Variants in MYOM2 observed in about 807,000 individuals in gnomAD.
The protein encoded by MYOM2 is myomesin-2.
Under a neutral mutation model 187.6 loss-of-function variants are expected in MYOM2, and 254 were observed. That is an observed-to-expected ratio of 1.35 (90% confidence interval 1.22 to 1.50). MYOM2 has a LOEUF of 1.50. Ranked by LOEUF, MYOM2 falls within the 40% of genes most tolerant of loss-of-function variation. The probability of loss-of-function intolerance (pLI) is 0.00; values close to 1 mark genes in which losing one functional copy is unlikely to be tolerated. For missense variants in MYOM2, 2,796 were observed against 1,924.0 expected (o/e 1.45, Z -8.48); for synonymous variants, 981 against 753.8 (o/e 1.30, Z -4.94).
At chr8:2,100,241 A>T (rs1451535047) in intron 19 of MYOM2, among the ~76,000 whole-genome samples, 1 of 149,144 alleles carries the variant, frequency 6.7e-6, no homozygotes, top group African/African-American at 2.5e-5. Context: ...TCTTTTAATG[A>T]AATTAAATTT....
chr8:2,100,645 C>G, intron 19 of MYOM2: 1 of 556,114 alleles, frequency 1.8e-6, no homozygotes, highest in East Asian at 2.9e-5. Context: ...CTGAATGATT[C>G]TACGTAGATC....
intron 20 of MYOM2, 112 bp from the exon 21 acceptor site, chr8:2,102,555 C>G (rs922693517): frequency 3.2e-6 from 2 of 627,504 alleles, no homozygotes; most frequent in Admixed American, 2.8e-5. Flanking sequence ...ATTTTCCTAA[C>G]TGGAAAAATA....
intron 13 of MYOM2, among the ~76,000 whole-genome samples, chr8:2,084,492 T>C (rs944976127): frequency 1.2e-4 from 19 of 152,232 alleles, no homozygotes; most frequent in African/African-American, 4.1e-4. Flanking sequence ...AGGTTCATAA[T>C]ATTTTTTATC....
At chr8:2,071,570 G>A (rs1819218811) in intron 8 of MYOM2, among the ~76,000 whole-genome samples, 1 of 152,154 alleles carries the variant, frequency 6.6e-6, no homozygotes, top group African/African-American at 2.4e-5. Context: ...GCCACAGTCT[G>A]GGGCTGAGGT....
In MYOM2 at chr8:2,139,669, C is replaced by T. The variant is rs62480018; in HGVS notation, c.3801-1054C>T. ...CTGCGGCTGTTCTGGAGCTGGTGCC[C>T]GAGAGAAACAGGTCCACATTCCAGC... is the stretch of plus-strand genomic sequence containing the variant. On this transcript the variant is annotated intron_variant, in intron 32 of 36. Transcript: ENST00000262113. Among the ~76,000 whole-genome samples, 16 of 152,146 alleles carry T rather than the reference C, an allele frequency of 1.1e-4. No individual in the cohort carries two copies. The South Asian group carries it at 1.9e-3, about 18-fold the overall frequency.
intron 20 of MYOM2, among the ~76,000 whole-genome samples, chr8:2,101,315 C>T (rs1350023107): frequency 2.0e-5 from 3 of 152,132 alleles, no homozygotes; most frequent in African/African-American, 4.8e-5. Flanking sequence ...ACTGAGTCAC[C>T]GCACTCCAGC....
At chr8:2,067,960 G>A (rs1028480086) in intron 6 of MYOM2, among the ~76,000 whole-genome samples, 3 of 152,200 alleles carry the variant, frequency 2.0e-5, no homozygotes, top group Non-Finnish European at 2.9e-5. Context: ...CAGGGAGTTT[G>A]TCACTTAGAA....
chr8:2,077,348 C>CA (rs1051034420), intron 11 of MYOM2, among the ~76,000 whole-genome samples: 3 of 151,838 alleles, frequency 2.0e-5, no homozygotes, highest in East Asian at 3.9e-4. Context: ...AAAAACAAAA[C>CA]AAAAAAACCA....
At chr8:2,081,050 G>A (rs112928183) in intron 13 of MYOM2, among the ~76,000 whole-genome samples, 68 of 138,912 alleles carry the variant, frequency 4.9e-4, no homozygotes, top group Non-Finnish European at 8.3e-4. Flanking sequence ...AGCCCAGCCC[G>A]TGCAGAATGA....
intron 14 of MYOM2, among the ~76,000 whole-genome samples, chr8:2,088,246 C>T (rs1470024487): frequency 1.3e-5 from 2 of 152,134 alleles, no homozygotes; most frequent in Non-Finnish European, 2.9e-5. Flanking sequence ...TTGTGTCATT[C>T]TTATGCCTTT....
At chr8:2,045,277 A>C (rs1053033187) in intron 1 of MYOM2, 109 bp downstream of exon 1, 1 of 152,242 alleles carries the variant, frequency 6.6e-6, no homozygotes, top group African/African-American at 2.4e-5. Flanking sequence ...TCAAGAAGAG[A>C]GAGCCAGTGC....
chr8:2,064,799 C>T (rs1818963327), intron 6 of MYOM2, among the ~76,000 whole-genome samples: 2 of 152,224 alleles, frequency 1.3e-5, no homozygotes, highest in African/African-American at 2.4e-5. Context: ...TCCTTCTCCT[C>T]TCCTGGCACC....
chr8:2,055,496 A>G (rs1346600318), intron 3 of MYOM2, among the ~76,000 whole-genome samples: 1 of 152,186 alleles, frequency 6.6e-6, no homozygotes, highest in East Asian at 1.9e-4. Context: ...TTGTAGGGAA[A>G]GGCTGTGTGT....
intron 18 of MYOM2, 136 bp downstream of exon 18, chr8:2,096,570 A>C: frequency 1.4e-5 from 12 of 884,272 alleles, no homozygotes; most frequent in South Asian, 1.8e-5. Flanking sequence ...TCATGAGATC[A>C]TGAAGTTTTG....
At chr8:2,118,271 T>G (rs1267011568) in intron 28 of MYOM2, among the ~76,000 whole-genome samples, 1 of 152,198 alleles carries the variant, frequency 6.6e-6, no homozygotes, top group Non-Finnish European at 1.5e-5. Flanking sequence ...CACCTAGAAG[T>G]GCTGCTCATA....
chr8:2,136,700 G>C (rs1251868661), intron 32 of MYOM2, among the ~76,000 whole-genome samples: 1 of 152,140 alleles, frequency 6.6e-6, no homozygotes, highest in African/African-American at 2.4e-5. Flanking sequence ...AGGCCGGTGG[G>C]ACACATTTAC....
Position 2,093,970 on chromosome 8 carries a change from G to T in MYOM2, c.2004G>T (p.Arg668Ser), listed in dbSNP as rs1344976583. 2 of 1,613,980 alleles carry T rather than the reference G, an allele frequency of 1.2e-6. No individual in the cohort carries two copies. Among genetic ancestry groups the T allele is most frequent in the East Asian group, 4.5e-5 (2 of 44,884 alleles). Residue 668 changes from arginine (R) to serine (S), a missense_variant and splice_region_variant, in exon 17 of 37, where the codon AGG becomes AGT. By Grantham distance (110) the Arg-to-Ser change is moderately radical (BLOSUM62 -1). Transcript: ENST00000262113. ...TGACCCTGATCCCTGTGTTTCTCAG[G>T]TTCGTGGTGCACGGCTTAACCACGG... Reference protein sequence around the residue: ...PCNHKPIGYNRFVVHGLTTGE... With the variant: ...PCNHKPIGYNSFVVHGLTTGE...
chr8:2,088,871 TC>T (rs1436106175), intron 14 of MYOM2, among the ~76,000 whole-genome samples: 1 of 152,214 alleles, frequency 6.6e-6, no homozygotes, highest in African/African-American at 2.4e-5. Context: ...CTAATGACAT[TC>T]CCCCAGCAGT....
In MYOM2 at chr8:2,134,170, C is replaced by T. The variant is rs527874497; in HGVS notation, c.3800+4938C>T. 3.3e-5 allele frequency among the ~76,000 whole-genome samples: 5 copies of T among 152,284 alleles called. No individual in the cohort carries two copies. In the East Asian group the frequency reaches 9.7e-4, roughly 29 times the overall value. On this transcript the variant is annotated intron_variant, in intron 32 of 36. Coordinates refer to ENST00000262113, the MANE Select transcript of MYOM2 (RefSeq NM_003970.4). Reference sequence around the variant, plus strand: ...TCCAGGAACGCCCTTTTGCATGTTCCTGTGTTGAATCTCAGGTCCCATGTT... The same window carrying T: ...TCCAGGAACGCCCTTTTGCATGTTCTTGTGTTGAATCTCAGGTCCCATGTT...
Sources: gnomAD v4.1 joint callset for allele counts (sites outside exome capture counted in the v4.1 genomes callset) on GRCh38, gnomAD v4.1.1 for gene constraint, MANE v1.5 for transcripts, NCBI Gene and HGNC (gene_info 2026-07-23, HGNC 2026-07-21) for gene names.